The following WDTC1 variants were observed in gnomAD, a reference collection of about 807,000 sequenced individuals.
WDTC1 encodes the protein WD and tetratricopeptide repeats 1, also known as WD and tetratricopeptide repeats protein 1.
WDTC1 carries 12 observed loss-of-function variants against 76.0 expected under a neutral mutation model. The observed-to-expected ratio is 0.16, with a 90% CI of 0.10 to 0.26. The LOEUF (loss-of-function observed/expected upper bound fraction) is 0.26, where lower values mean the gene tolerates loss of function less well. Ranked by LOEUF, WDTC1 falls within the 10% of genes least tolerant of loss-of-function variation. The probability of loss-of-function intolerance (pLI) is 1.00; values close to 1 mark genes in which losing one functional copy is unlikely to be tolerated. For missense variants in WDTC1, 511 were observed against 908.8 expected (o/e 0.56, Z 5.63); for synonymous variants, 326 against 350.8 (o/e 0.93, Z 0.79).
At position 27,245,694 on chromosome 1, in the gene WDTC1, C is replaced by T. The variant is rs559925652; in HGVS notation, c.-100+10743C>T. ...AGACGATTCTCCTGCCTCAGCTTCC[C>T]GAGTAGCTGGGATTATAGGTGCCTG... is the stretch of plus-strand genomic sequence containing the variant. On this transcript the variant is annotated intron_variant, in intron 1 of 15. Transcript: ENST00000319394. Among the ~76,000 whole-genome samples, 104 of 151,334 alleles carry T rather than the reference C, an allele frequency of 6.9e-4. 7 individuals are homozygous for T. The highest frequency in any genetic ancestry group is 2.2e-3 in the African/African-American group (91 of 40,840).
At chr1:27,288,294 A>G (rs964687537) in intron 6 of WDTC1, among the ~76,000 whole-genome samples, 7 of 151,996 alleles carry the variant, frequency 4.6e-5, no homozygotes, top group Non-Finnish European at 8.8e-5. Flanking sequence ...TAACAATTAT[A>G]TCCTCTGTAA....
At chr1:27,243,642 G>T (rs1348003319) in intron 1 of WDTC1, among the ~76,000 whole-genome samples, 3 of 152,170 alleles carry the variant, frequency 2.0e-5, no homozygotes, top group African/African-American at 4.8e-5. Context: ...TCTGTAAGAT[G>T]AGGATAACAA....
chr1:27,286,149 G>A (rs990021719), intron 5 of WDTC1, among the ~76,000 whole-genome samples: 2 of 151,588 alleles, frequency 1.3e-5, no homozygotes, highest in African/African-American at 4.9e-5. Context: ...GGGATTACAG[G>A]TGCACACCAC....
At chr1:27,300,703 G>A (rs1031623887) in intron 12 of WDTC1, among the ~76,000 whole-genome samples, 1 of 151,654 alleles carries the variant, frequency 6.6e-6, no homozygotes. Flanking sequence ...AGCCAGGACA[G>A]GGGGGGGTCT....
chr1:27,300,710 G>T (rs560372720), intron 12 of WDTC1, among the ~76,000 whole-genome samples: 9 of 152,276 alleles, frequency 5.9e-5, no homozygotes, highest in East Asian at 3.9e-4. Flanking sequence ...ACAGGGGGGG[G>T]TCTGGCTGAG....
At chr1:27,264,310 A>G (rs2147936335) in intron 3 of WDTC1, among the ~76,000 whole-genome samples, 1 of 152,228 alleles carries the variant, frequency 6.6e-6, no homozygotes, top group South Asian at 2.1e-4. Context: ...AATAAAAGAA[A>G]GCCAGGTTCA....
intron 1 of WDTC1, among the ~76,000 whole-genome samples, chr1:27,235,973 C>A (rs544379751): frequency 6.6e-6 from 1 of 152,128 alleles, no homozygotes; most frequent in East Asian, 1.9e-4. Context: ...TCTAACAAAG[C>A]CTGAAACCGT....
chr1:27,258,079 C>T (rs956092179), intron 1 of WDTC1, among the ~76,000 whole-genome samples: 7 of 151,488 alleles, frequency 4.6e-5, no homozygotes, highest in Non-Finnish European at 7.4e-5. Context: ...TGAGCCACTG[C>T]GCCTGGCGGT....
At chr1:27,289,431 G>T (rs377380593) in intron 6 of WDTC1, among the ~76,000 whole-genome samples, 1,898 of 151,586 alleles carry the variant, frequency 0.013, 20 homozygotes, top group East Asian at 0.023. Flanking sequence ...ACGATGGGCG[G>T]CCGGGCAGAG....
rs181130601 is a variant in WDTC1, at chr1:27,284,007, G to A, written c.291+558G>A. Among the ~76,000 whole-genome samples the A allele has an allele frequency of 7.9e-5, 12 of 152,314 alleles. No individual in the cohort carries two copies. The East Asian group carries it at 2.3e-3, about 29-fold the overall frequency. ...ATGAATATTTTGATTTGTTGGAGGA[G>A]GGGAGTTGAGCGGAGGAGAGGTGAG... is the stretch of plus-strand genomic sequence containing the variant. On this transcript the variant is annotated intron_variant, in intron 5 of 15. Transcript: ENST00000319394.
chr1:27,296,842 G>A (rs533680573), intron 10 of WDTC1, among the ~76,000 whole-genome samples: 2 of 17,060 alleles, frequency 1.2e-4, no homozygotes, highest in Admixed American at 8.2e-4. Context: ...GTAATGCCAC[G>A]GTGAAGTTGT....
intron 3 of WDTC1, among the ~76,000 whole-genome samples, chr1:27,271,917 G>A (rs145910964): frequency 0.013 from 1,903 of 150,772 alleles, 23 homozygotes; most frequent in East Asian, 0.024. Context: ...GATTATAGGC[G>A]TAAGCCACTG....
At chr1:27,263,969 A>G (rs990180880) in intron 3 of WDTC1, among the ~76,000 whole-genome samples, 13 of 151,900 alleles carry the variant, frequency 8.6e-5, no homozygotes, top group African/African-American at 3.1e-4. Flanking sequence ...CATCAAAGCA[A>G]TGCTGTAGGG....
At chr1:27,282,387 A>C (rs1360503472) in intron 4 of WDTC1, 102 bp downstream of exon 4, 1 of 1,162,960 alleles carries the variant, frequency 8.6e-7, no homozygotes, top group Non-Finnish European at 1.2e-6. Context: ...GATTGGACCC[A>C]AATGAAAAGA....
intron 5 of WDTC1, among the ~76,000 whole-genome samples, chr1:27,285,996 GTTTTTTTTTTTTTT>G (rs5773184): frequency 3.2e-5 from 2 of 63,282 alleles, no homozygotes; most frequent in South Asian, 1.4e-3. Flanking sequence ...CAGGATGGTG[GTTTTTTTTTTTTTT>G]TTTTTTTTTG....
At chr1:27,304,957 G>A (rs1299517282) in intron 14 of WDTC1, 44 bp from the exon 15 acceptor site, 2 of 1,577,196 alleles carry the variant, frequency 1.3e-6, no homozygotes, top group East Asian at 2.3e-5. Flanking sequence ...GAGGCTGTAG[G>A]GCAGTACCCC....
rs2013937001 is a variant in WDTC1, at chr1:27,305,602, C to T, written c.1836+409C>T. On this transcript the variant is annotated intron_variant, in intron 15 of 15. Coordinates refer to ENST00000319394, the MANE Select transcript of WDTC1 (RefSeq NM_001276252.2). This position sits in a 1 kb window ranked among gnomAD's most constrained non-coding sequence, Gnocchi z 4.6. ...CTGTGAAGTGTCCAGCCCACAAGGA[C>T]ACTTAGGACAGTGGAGTCCCCTCCA... Among the ~76,000 whole-genome samples the T allele has an allele frequency of 6.6e-6, 1 of 152,182 alleles. No homozygotes were observed. The highest frequency in any genetic ancestry group is 1.5e-5 in the Non-Finnish European group (1 of 68,022).
intron 3 of WDTC1, among the ~76,000 whole-genome samples, chr1:27,275,331 A>G (rs887359641): frequency 1.3e-5 from 2 of 152,180 alleles, no homozygotes; most frequent in African/African-American, 4.8e-5. Flanking sequence ...TCTAACAAAG[A>G]CTTGTCAGAG....
intron 3 of WDTC1, among the ~76,000 whole-genome samples, chr1:27,267,407 A>G (rs1461562067): frequency 6.6e-6 from 1 of 152,066 alleles, no homozygotes; most frequent in Non-Finnish European, 1.5e-5. Context: ...CACCACACCC[A>G]GCTAATTTTT....
Sources: gnomAD v4.1 joint callset for allele counts (sites outside exome capture counted in the v4.1 genomes callset) on GRCh38, gnomAD v4.1.1 for gene constraint, Gnocchi (gnomAD v3.1) non-coding constraint, MANE v1.5 for transcripts, NCBI Gene and HGNC (gene_info 2026-07-23, HGNC 2026-07-21) for gene names.